BFSP1: variants seen among roughly 807,000 people sequenced by gnomAD.
BFSP1 encodes filensin.
A neutral mutation model predicts 43.9 loss-of-function variants in BFSP1; 38 were observed. That is an observed-to-expected ratio of 0.87 (90% confidence interval 0.67 to 1.14). The LOEUF (loss-of-function observed/expected upper bound fraction) is 1.14. BFSP1 is among the 50% of genes most tolerant of loss of function. The pLI is 0.00. For synonymous variants in BFSP1, 352 were observed against 354.8 expected, an observed-to-expected ratio of 0.99 and a Z score of 0.09; for missense variants, 850 against 875.1, an observed-to-expected ratio of 0.97 and a Z score of 0.36.
chr20:17,553,862 C>CATATATATATACATATATATATACACAT (rs376937575), intron 1 of BFSP1, among the ~76,000 whole-genome samples: 1 of 92,772 alleles, frequency 1.1e-5, no homozygotes, highest in African/African-American at 4.7e-5. Flanking sequence ...TATATATACA[C>CATATATATATACATATATATATACACAT]ATATATATAC....
chr20:17,552,274 G>T (rs1034569179), intron 1 of BFSP1, among the ~76,000 whole-genome samples: 2 of 152,112 alleles, frequency 1.3e-5, no homozygotes, highest in African/African-American at 4.8e-5. Flanking sequence ...AAGAAAGAGC[G>T]TTCTAAACAT....
chr20:17,523,779 GGCAGGTAACATAGACAAA>G (rs2034363593), intron 2 of BFSP1, among the ~76,000 whole-genome samples: 1 of 151,732 alleles, frequency 6.6e-6, no homozygotes, highest in Non-Finnish European at 1.5e-5. Flanking sequence ...CGCGCAGAGG[GGCAGGTAACATAGACAAA>G]GCAAAATTGG....
chr20:17,551,691 A>G (rs1240666792), intron 1 of BFSP1, among the ~76,000 whole-genome samples: 3 of 152,152 alleles, frequency 2.0e-5, no homozygotes, highest in Non-Finnish European at 4.4e-5. Flanking sequence ...AAGTGAAAAA[A>G]ATAAAATAAG....
intron 1 of BFSP1, among the ~76,000 whole-genome samples, chr20:17,545,328 G>A (rs188266987): frequency 3.9e-5 from 6 of 152,302 alleles, no homozygotes; most frequent in Admixed American, 3.3e-4. Flanking sequence ...GTTATCTTGA[G>A]TAATGGGCCA....
At chr20:17,558,601 G>T in intron 1 of BFSP1, 1 of 1,400,388 alleles carries the variant, frequency 7.1e-7, no homozygotes, top group Non-Finnish European at 9.8e-7. Context: ...TACCTTCTAC[G>T]GGAGTTTCTT....
At chr20:17,510,712 C>T (rs966827151) in intron 4 of BFSP1, among the ~76,000 whole-genome samples, 13 of 152,204 alleles carry the variant, frequency 8.5e-5, no homozygotes, top group Non-Finnish European at 1.5e-4. Flanking sequence ...AGTTTGTCTG[C>T]ATGCTGGTCC....
intron 3 of BFSP1, among the ~76,000 whole-genome samples, chr20:17,514,428 T>C (rs2034154871): frequency 6.6e-6 from 1 of 152,206 alleles, no homozygotes; most frequent in Non-Finnish European, 1.5e-5. Context: ...TGATGGACTG[T>C]AGCTTAATGA....
upstream of BFSP1, among the ~76,000 whole-genome samples, chr20:17,560,064 G>T (rs867823176): frequency 5.9e-5 from 9 of 151,634 alleles, no homozygotes; most frequent in Non-Finnish European, 1.0e-4. Flanking sequence ...GGAAGAGCTG[G>T]GTTTCTTTGG....
chr20:17,541,206 A>C (rs924082233), intron 1 of BFSP1: 330 of 955,938 alleles, frequency 3.5e-4, no homozygotes, highest in Non-Finnish European at 3.8e-4. Flanking sequence ...GTCTCTAAAA[A>C]AAAAATAATA....
chr20:17,512,192 G>A (rs2034100015), intron 3 of BFSP1, 124 bp from the exon 4 acceptor site: 1 of 715,914 alleles, frequency 1.4e-6, no homozygotes, highest in African/African-American at 1.7e-5. Context: ...GACAGACCAT[G>A]ACCAGGTTCA....
At chr20:17,567,602 C>G (rs1204997845) in intron 1 of BFSP1, among the ~76,000 whole-genome samples, 1 of 152,172 alleles carries the variant, frequency 6.6e-6, no homozygotes, top group Non-Finnish European at 1.5e-5. Flanking sequence ...TGTCTAAGGC[C>G]TGTAATCTCA....
intron 7 of BFSP1, among the ~76,000 whole-genome samples, chr20:17,496,024 A>T (rs1226569193): frequency 6.6e-6 from 1 of 152,230 alleles, no homozygotes; most frequent in Non-Finnish European, 1.5e-5. Flanking sequence ...GGAGGTGCTT[A>T]CAGGACTGCA....
chr20:17,548,839 G>T (rs905336642), intron 1 of BFSP1, among the ~76,000 whole-genome samples: 1 of 152,024 alleles, frequency 6.6e-6, no homozygotes, highest in Non-Finnish European at 1.5e-5. Flanking sequence ...ATGAGGTCTT[G>T]CTCTGTCACC....
chr20:17,558,746 T>A, exon 1 of BFSP1: 2 of 1,550,480 alleles, frequency 1.3e-6, no homozygotes, highest in Non-Finnish European at 1.7e-6. Context: ...TCAGCTCACA[T>A]CCAAGGTGTG....
intron 4 of BFSP1, among the ~76,000 whole-genome samples, chr20:17,509,258 CCT>C (rs1285329318): frequency 6.0e-5 from 9 of 150,840 alleles, no homozygotes; most frequent in Admixed American, 3.3e-4. Context: ...ACCCCCACCC[CCT>C]GTCTGTCTGT....
intron 3 of BFSP1, among the ~76,000 whole-genome samples, chr20:17,513,614 G>A (rs141217464): frequency 5.9e-5 from 9 of 152,320 alleles, no homozygotes; most frequent in Admixed American, 5.2e-4. Flanking sequence ...GAGGTAGGAA[G>A]GGAACTGGAA....
intron 2 of BFSP1, among the ~76,000 whole-genome samples, chr20:17,524,587 C>T (rs1056833973): frequency 7.9e-5 from 12 of 152,156 alleles, no homozygotes; most frequent in African/African-American, 2.7e-4. Context: ...GTCACTGTAA[C>T]GCCGGCAGGT....
chr20:17,531,170 G>C lies in BFSP1; in HGVS notation c.160C>G (p.His54Asp). 1 of 1,292,238 alleles carries C rather than the reference G, an allele frequency of 7.7e-7. No homozygotes were observed. The highest frequency in any genetic ancestry group is 2.4e-5 in the South Asian group (1 of 42,478). 80.0% of individuals were successfully genotyped at this position (1,292,238 alleles called of 1,614,324 possible). ...LQGLGERVAAHVQRARALEQR... is the reference protein window; with the variant it reads ...LQGLGERVAADVQRARALEQR... ...TCGAGGGCGCGGGCCCGCTGGACGT[G>C]GGCGGCCACGCGCTCGCCGAGCCCC... Residue 54 changes from histidine (H) to aspartate (D), a missense_variant, in exon 1 of 8, where the codon CAC becomes GAC. His to Asp is a moderately conservative substitution (Grantham distance 81). Coordinates refer to ENST00000377873, the MANE Select transcript of BFSP1 (RefSeq NM_001195.5).
chr20:17,567,310 T>C (rs1031639265), intron 1 of BFSP1, among the ~76,000 whole-genome samples: 1 of 152,216 alleles, frequency 6.6e-6, no homozygotes, highest in African/African-American at 2.4e-5. Context: ...AAACACCTAC[T>C]ATGTATCAGG....
Sources: allele counts gnomAD v4.1 joint callset (sites outside exome capture counted in the v4.1 genomes callset), GRCh38; gene constraint gnomAD v4.1.1; transcripts MANE v1.5; gene names NCBI Gene and HGNC (gene_info 2026-07-23, HGNC 2026-07-21).